DTNBP1: variants seen among roughly 807,000 people sequenced by gnomAD.
The protein encoded by DTNBP1 is dystrobrevin binding protein 1.
Under a neutral mutation model 42.8 loss-of-function variants are expected in DTNBP1, and 35 were observed. The ratio of observed to expected loss-of-function variants is 0.82; its 90% CI spans 0.63 to 1.09. The LOEUF is 1.09. Ranked by LOEUF, DTNBP1 falls within the 50% of genes least tolerant of loss-of-function variation. DTNBP1 has a pLI of 0.00. For synonymous variants in DTNBP1, 171 were observed against 162.2 expected (o/e 1.05, Z -0.41); for missense variants, 457 against 424.2 (o/e 1.08, Z -0.68).
chr6:15,615,344 G>A lies in DTNBP1; in HGVS notation c.411C>T (p.Asp137=), dbSNP rs751770482. The A allele has an allele frequency of 6.2e-7, 1 of 1,614,100 alleles. No individual in the cohort carries two copies. The highest frequency in any genetic ancestry group is 8.5e-7 in the Non-Finnish European group (1 of 1,180,012). The change falls in exon 6 of 10, where the codon GAC becomes GAT. Residue 137 remains aspartate (D), a synonymous_variant. Coordinates refer to ENST00000344537, the MANE Select transcript of DTNBP1 (RefSeq NM_032122.5). ...EVENNLLHLE[D]LCGQCELERC... The stretch of plus-strand genomic sequence containing the variant: ...TTTCTAATTCACACTGCCCACATAA[G>A]TCTTCCAGATGCAGCAGGTTGTTCT...
At chr6:15,573,034 C>T (rs753309512) in intron 7 of DTNBP1, among the ~76,000 whole-genome samples, 8 of 152,136 alleles carry the variant, frequency 5.3e-5, no homozygotes, top group Admixed American at 2.6e-4. Context: ...ACCTAGAATT[C>T]CATGTTCTTA....
At chr6:15,556,354 G>A (rs1019614954) in intron 7 of DTNBP1, among the ~76,000 whole-genome samples, 2 of 152,072 alleles carry the variant, frequency 1.3e-5, no homozygotes, top group Non-Finnish European at 1.5e-5. Context: ...GCTAATTTTT[G>A]TATTTTTAGT....
At chr6:15,641,035 C>G (rs1440113921) in intron 3 of DTNBP1, among the ~76,000 whole-genome samples, 1 of 152,204 alleles carries the variant, frequency 6.6e-6, no homozygotes, top group African/African-American at 2.4e-5. Flanking sequence ...GATGCAGACA[C>G]AGAGGCAGCT....
intron 6 of DTNBP1, among the ~76,000 whole-genome samples, chr6:15,610,039 C>T (rs1208125762): frequency 6.6e-6 from 1 of 152,204 alleles, no homozygotes; most frequent in African/African-American, 2.4e-5. Context: ...TAGGCTTTCA[C>T]TTAGTTCCTC....
At chr6:15,653,499 G>A (rs1050612620) in intron 1 of DTNBP1, among the ~76,000 whole-genome samples, 2 of 152,080 alleles carry the variant, frequency 1.3e-5, no homozygotes, top group Non-Finnish European at 2.9e-5. Context: ...TTAAATTATT[G>A]CACTGGAAAA....
At chr6:15,580,963 A>G (rs889677463) in intron 7 of DTNBP1, among the ~76,000 whole-genome samples, 5 of 152,198 alleles carry the variant, frequency 3.3e-5, no homozygotes, top group Non-Finnish European at 5.9e-5. Context: ...AGCATCTACA[A>G]TCAGCTACCA....
At chr6:15,546,223 G>A (rs1237262121) in intron 7 of DTNBP1, among the ~76,000 whole-genome samples, 2 of 151,846 alleles carry the variant, frequency 1.3e-5, no homozygotes, top group Non-Finnish European at 2.9e-5. Context: ...GTACCACCAC[G>A]CCCAACTACT....
intron 8 of DTNBP1, among the ~76,000 whole-genome samples, chr6:15,525,137 G>T (rs540125033): frequency 2.6e-5 from 4 of 152,200 alleles, no homozygotes; most frequent in Admixed American, 2.6e-4. Flanking sequence ...CGGGCCTAAC[G>T]GCAGAAGGGG....
chr6:15,555,053 G>T (rs956584869), intron 7 of DTNBP1, among the ~76,000 whole-genome samples: 1 of 151,516 alleles, frequency 6.6e-6, no homozygotes, highest in South Asian at 2.1e-4. Flanking sequence ...CATATGAGAG[G>T]CATGTCTGAC....
intron 6 of DTNBP1, among the ~76,000 whole-genome samples, chr6:15,611,512 T>C (rs775807571): frequency 6.6e-6 from 1 of 152,184 alleles, no homozygotes; most frequent in Admixed American, 6.5e-5. Flanking sequence ...ATTTAAGAAA[T>C]ACAATTTGTA....
In DTNBP1 at chr6:15,523,107, C is replaced by A; in HGVS notation, c.924G>T (p.Arg308=). 6.2e-7 allele frequency: 1 copy of A among 1,614,226 alleles called. No homozygotes were observed. The highest frequency in any genetic ancestry group is 8.5e-7 in the Non-Finnish European group (1 of 1,180,030). ...GGGACTCCCCACCCTCACTGATGTC[C>A]CGGGTGGCCGAGTCGGTGCAGGTGG... ...SSSTCTDSAT[R]DISEGGESPV... Residue 308 remains arginine, a synonymous_variant, in exon 10 of 10, where the codon CGG becomes CGT. Coordinates refer to ENST00000344537, the MANE Select transcript of DTNBP1 (RefSeq NM_032122.5).
intron 1 of DTNBP1, among the ~76,000 whole-genome samples, chr6:15,661,494 TAAAAA>T (rs1335039695): frequency 6.6e-6 from 1 of 151,956 alleles, no homozygotes; most frequent in Admixed American, 6.6e-5. Flanking sequence ...CCGTCTCTAC[TAAAAA>T]ATACAAAAAT....
At chr6:15,584,705 C>CTTTTTTTTTTTTTTTTTTTTTT in intron 7 of DTNBP1, among the ~76,000 whole-genome samples, 1 of 86,432 alleles carries the variant, frequency 1.2e-5, no homozygotes, top group Non-Finnish European at 2.4e-5. Flanking sequence ...ACATGTATTT[C>CTTTTTTTTTTTTTTTTTTTTTT]TTTTTTTTTT....
At chr6:15,570,342 G>A (rs1775288209) in intron 7 of DTNBP1, among the ~76,000 whole-genome samples, 1 of 152,092 alleles carries the variant, frequency 6.6e-6, no homozygotes, top group Non-Finnish European at 1.5e-5. Flanking sequence ...GCTTCTTGAG[G>A]GCAAGAATCT....
At chr6:15,616,132 C>T (rs1198183252) in intron 5 of DTNBP1, among the ~76,000 whole-genome samples, 2 of 152,230 alleles carry the variant, frequency 1.3e-5, no homozygotes, top group Non-Finnish European at 2.9e-5. Context: ...AGTGAAGGGC[C>T]ACACGGCCAG....
intron 3 of DTNBP1, among the ~76,000 whole-genome samples, chr6:15,645,043 C>A (rs375825057): frequency 1.3e-5 from 2 of 151,234 alleles, no homozygotes; most frequent in Non-Finnish European, 3.0e-5. Flanking sequence ...CTAGATTAAC[C>A]AAGAAAAAAA....
chr6:15,523,271 C>T, intron 9 of DTNBP1, 52 bp from the exon 10 acceptor site: 1 of 1,610,028 alleles, frequency 6.2e-7, no homozygotes, highest in Non-Finnish European at 8.5e-7. Context: ...TATTGTGAAT[C>T]AGAATTGCCG....
At chr6:15,604,360 C>A (rs1370403054) in intron 6 of DTNBP1, among the ~76,000 whole-genome samples, 1 of 152,166 alleles carries the variant, frequency 6.6e-6, no homozygotes, top group Non-Finnish European at 1.5e-5. Context: ...TGCTGCAGAA[C>A]TGCAGAAGCT....
At chr6:15,623,237 G>A (rs1419605877) in intron 5 of DTNBP1, among the ~76,000 whole-genome samples, 1 of 152,182 alleles carries the variant, frequency 6.6e-6, no homozygotes, top group East Asian at 1.9e-4. Context: ...AACTGACAGA[G>A]CTATGATAAT....
Sources: allele counts gnomAD v4.1 joint callset (sites outside exome capture counted in the v4.1 genomes callset), GRCh38; gene constraint gnomAD v4.1.1; transcripts MANE v1.5; gene names NCBI Gene and HGNC (gene_info 2026-07-23, HGNC 2026-07-21).